Variants in EEFSEC observed in about 807,000 individuals in gnomAD.
The protein encoded by EEFSEC is selenocysteine-specific elongation factor.
EEFSEC carries 43 observed loss-of-function variants against 42.1 expected under a neutral mutation model. The observed-to-expected ratio is 1.02, with a 90% CI of 0.80 to 1.32. The LOEUF is 1.32. Ranked by LOEUF, EEFSEC falls within the 40% of genes most tolerant of loss-of-function variation. The pLI is 0.00. For synonymous variants in EEFSEC, 354 were observed against 339.1 expected, an observed-to-expected ratio of 1.04 and a Z score of -0.48; for missense variants, 745 against 803.6, an observed-to-expected ratio of 0.93 and a Z score of 0.88.
intron 6 of EEFSEC, among the ~76,000 whole-genome samples, chr3:128,390,559 G>A (rs1263567714): frequency 2.6e-5 from 4 of 152,226 alleles, no homozygotes; most frequent in African/African-American, 9.6e-5. Context: ...AGAGGCCCTT[G>A]CTTGCTGTTC....
chr3:128,316,768 C>G (rs2066950256), intron 4 of EEFSEC, among the ~76,000 whole-genome samples: 1 of 152,202 alleles, frequency 6.6e-6, no homozygotes, highest in Non-Finnish European at 1.5e-5. Context: ...AACCGGGGCA[C>G]AGCCCTCCCT....
At chr3:128,366,631 T>C (rs887249784) in intron 6 of EEFSEC, among the ~76,000 whole-genome samples, 1 of 152,222 alleles carries the variant, frequency 6.6e-6, no homozygotes, top group Non-Finnish European at 1.5e-5. Flanking sequence ...CTAGCTCTTC[T>C]TTACCAAGCA....
chr3:128,336,077 C>T (rs1451595813), intron 4 of EEFSEC, among the ~76,000 whole-genome samples: 1 of 152,154 alleles, frequency 6.6e-6, no homozygotes, highest in Non-Finnish European at 1.5e-5. Context: ...ACTCAGACGT[C>T]TGTGTCTCTC....
chr3:128,221,377 AAAGAC>A (rs1288839272), intron 1 of EEFSEC, among the ~76,000 whole-genome samples: 10 of 152,226 alleles, frequency 6.6e-5, no homozygotes, highest in African/African-American at 2.4e-4. Flanking sequence ...AATTAAGAAA[AAAGAC>A]AAGAAGTTGC....
intron 1 of EEFSEC, among the ~76,000 whole-genome samples, chr3:128,172,120 G>C (rs2065305340): frequency 1.3e-5 from 2 of 152,318 alleles, no homozygotes; most frequent in South Asian, 4.2e-4. Flanking sequence ...TACAACTCCT[G>C]TCCCACCAGA....
rs1208680694 is a variant in EEFSEC at position 128,153,571 on chromosome 3, G to T, written c.64G>T (p.Ala22Ser). 7.8e-6 allele frequency: 12 copies of T among 1,545,788 alleles called. No individual in the cohort carries two copies. The Admixed American group carries it at 1.1e-4, about 15-fold the overall frequency. Residue 22 changes from alanine (A) to serine (S), a missense_variant, in exon 1 of 7, where the codon GCG becomes TCG. Physicochemically the swap from Ala to Ser is moderately conservative, Grantham distance 99. Coordinates refer to ENST00000254730, the MANE Select transcript of EEFSEC (RefSeq NM_021937.5). ...VLGHIDSGKT[A>S]LARALSTTAS... ...GGGCCACATCGACAGCGGCAAGACGGCGCTGGCGCGGGCGCTAAGCACCAC... is the reference window on the plus strand; with the variant it reads ...GGGCCACATCGACAGCGGCAAGACGTCGCTGGCGCGGGCGCTAAGCACCAC...
chr3:128,195,714 A>G (rs1366732641), intron 1 of EEFSEC, among the ~76,000 whole-genome samples: 2 of 152,206 alleles, frequency 1.3e-5, no homozygotes, highest in Admixed American at 6.5e-5. Flanking sequence ...ACCTTCCTAT[A>G]TAATATCCTT....
chr3:128,263,037 A>G (rs2066315000), intron 3 of EEFSEC, among the ~76,000 whole-genome samples: 1 of 152,192 alleles, frequency 6.6e-6, no homozygotes, highest in Non-Finnish European at 1.5e-5. Context: ...ATAATAGCAC[A>G]TACCTCGTGG....
chr3:128,225,831 A>C (rs959636691), intron 1 of EEFSEC, among the ~76,000 whole-genome samples: 6 of 152,218 alleles, frequency 3.9e-5, no homozygotes, highest in African/African-American at 1.4e-4. Flanking sequence ...GGAGAGAAGG[A>C]AAGGACACTG....
chr3:128,351,375 C>A (rs191476692), intron 5 of EEFSEC, among the ~76,000 whole-genome samples: 3 of 152,304 alleles, frequency 2.0e-5, no homozygotes, highest in African/African-American at 7.2e-5. Context: ...CATCAACACC[C>A]CTGATCCTAA....
Position 128,408,105 on chromosome 3 carries a change from C to T in EEFSEC, c.1637C>T (p.Pro546Leu). 6.2e-7 allele frequency: 1 copy of T among 1,602,136 alleles called. No homozygotes were observed. The highest frequency in any genetic ancestry group is 1.1e-5 in the South Asian group (1 of 89,644). Reference sequence around the variant, plus strand: ...CCCGAGTCCAAGAAGATCCTGACACCCGCCCTCAAGAAGCGGGCCCGGGCT... The same window carrying T: ...CCCGAGTCCAAGAAGATCCTGACACTCGCCCTCAAGAAGCGGGCCCGGGCT... The part of the protein sequence containing the change: ...LSPESKKILT[P>L]ALKKRARAGR... Residue 546 changes from proline (P) to leucine (L), a missense_variant, in exon 7 of 7, where the codon CCC becomes CTC. By Grantham distance (98) the Pro-to-Leu change is moderately conservative (BLOSUM62 -3). Coordinates refer to ENST00000254730, the MANE Select transcript of EEFSEC (RefSeq NM_021937.5).
At chr3:128,236,837 G>A (rs906085676) in intron 1 of EEFSEC, among the ~76,000 whole-genome samples, 1 of 152,234 alleles carries the variant, frequency 6.6e-6, no homozygotes, top group Non-Finnish European at 1.5e-5. Flanking sequence ...AGACAGCTCG[G>A]AGCCTACTTC....
chr3:128,229,054 T>G (rs2065935076), intron 1 of EEFSEC, among the ~76,000 whole-genome samples: 1 of 152,210 alleles, frequency 6.6e-6, no homozygotes, highest in African/African-American at 2.4e-5. Flanking sequence ...AGACTCAGTA[T>G]GAAAACCTAT....
At chr3:128,154,974 T>C (rs1190658300) in intron 1 of EEFSEC, among the ~76,000 whole-genome samples, 1 of 152,186 alleles carries the variant, frequency 6.6e-6, no homozygotes, top group Non-Finnish European at 1.5e-5. Context: ...TTTTTAATTA[T>C]ACATGTAATA....
intron 6 of EEFSEC, among the ~76,000 whole-genome samples, chr3:128,369,590 G>A (rs2067629687): frequency 6.6e-6 from 1 of 152,222 alleles, no homozygotes. Context: ...TGGGATGTGG[G>A]TAGCAGGGTA....
At chr3:128,306,416 A>G (rs1444472568) in intron 4 of EEFSEC, among the ~76,000 whole-genome samples, 4 of 152,210 alleles carry the variant, frequency 2.6e-5, no homozygotes, top group Non-Finnish European at 1.5e-5. Flanking sequence ...TAAGCCCTTC[A>G]TTAACCATTA....
intron 1 of EEFSEC, among the ~76,000 whole-genome samples, chr3:128,155,450 G>A (rs1944362626): frequency 6.6e-6 from 1 of 152,098 alleles, no homozygotes; most frequent in African/African-American, 2.4e-5. Flanking sequence ...TACTTTTCCA[G>A]ACCCATTTAA....
At chr3:128,213,264 C>A (rs2065777806) in intron 1 of EEFSEC, among the ~76,000 whole-genome samples, 1 of 152,174 alleles carries the variant, frequency 6.6e-6, no homozygotes. Context: ...ATTGATGATA[C>A]CCCTGGTTGG....
intron 6 of EEFSEC, among the ~76,000 whole-genome samples, chr3:128,373,553 C>T (rs997172263): frequency 1.4e-4 from 22 of 152,332 alleles, no homozygotes; most frequent in African/African-American, 5.1e-4. Context: ...ACAGCAGCAG[C>T]GAGCCTTTGG....
Sources: allele counts gnomAD v4.1 joint callset (sites outside exome capture counted in the v4.1 genomes callset), GRCh38; gene constraint gnomAD v4.1.1; transcripts MANE v1.5; gene names NCBI Gene and HGNC (gene_info 2026-07-23, HGNC 2026-07-21).